RPL41: variants seen among roughly 807,000 people sequenced by gnomAD.
RPL41 encodes the protein ribosomal protein L41.
A neutral mutation model predicts 7.3 loss-of-function variants in RPL41; 3 were observed. The observed-to-expected ratio is 0.41, with a 90% CI of 0.19 to 1.06. The LOEUF (loss-of-function observed/expected upper bound fraction) is 1.06, where lower values mean the gene tolerates loss of function less well. Ranked by LOEUF, RPL41 falls within the 50% of genes least tolerant of loss-of-function variation. The pLI, the probability that RPL41 is intolerant of heterozygous loss-of-function variation, is 0.32. For synonymous variants in RPL41, 9 were observed against 7.4 expected (o/e 1.21, Z -0.34); for missense variants, 13 against 30.4 (o/e 0.43, Z 1.35).
At chr12:56,117,305 G>A in intron 2 of RPL41, 94 bp downstream of exon 2, 2 of 1,509,200 alleles carry the variant, frequency 1.3e-6, no homozygotes, top group South Asian at 2.5e-5. Context: ...AGATCTTTAG[G>A]AGAAAAACGT....
chr12:56,117,708 G>A lies in RPL41; in HGVS notation c.*184G>A, dbSNP rs943871031. On this transcript the variant is annotated 3_prime_UTR_variant, in exon 3 of 3. Coordinates refer to ENST00000546591, the MANE Select transcript of RPL41 (RefSeq NM_001035267.2). ...GACCCACCTTGCTCATAAACAAAAT[G>A]CCCATGTTGGTCCTCTGCCCTGGAC... is the stretch of plus-strand genomic sequence containing the variant. 258 of 612,540 alleles carry A rather than the reference G, an allele frequency of 4.2e-4. 2 individuals carry two copies. The highest frequency in any genetic ancestry group is 6.4e-4 in the South Asian group (35 of 54,586). 37.9% of individuals were successfully genotyped at this position (612,540 alleles called of 1,614,324 possible).
rs930876640 is a variant in RPL41 at position 56,117,174 on chromosome 12, G to C, written c.13-15G>C. ...TTTTTTTTTTAATTATCTGCTGCTT[G>C]TGATCGGTTGCTAGTGGAGGAAGAA... On this transcript the variant is annotated splice_polypyrimidine_tract_variant and intron_variant, in intron 1 of 2. Transcript: ENST00000546591. 3 of 1,460,096 alleles carry C rather than the reference G, an allele frequency of 2.1e-6. No homozygotes were observed. The Admixed American group carries it at 6.7e-5, about 33-fold the overall frequency. The allele number at this position is 1,460,096 out of a possible 1,614,324, so 90.4% of individuals were successfully genotyped here.
chr12:56,116,806 G>T lies in RPL41; in HGVS notation c.12+7G>T. ...CTGCGCCATGAGAGCCAAGGTGAGC[G>T]GTTCCTGGTAGTAAGCTTGGGAGGT... is the stretch of plus-strand genomic sequence containing the variant. On this transcript the variant is annotated splice_region_variant and intron_variant, in intron 1 of 2. Transcript: ENST00000546591. The T allele has an allele frequency of 1.2e-6, 2 of 1,614,012 alleles. No homozygotes were observed. Among genetic ancestry groups the T allele is most frequent in the South Asian group, 2.2e-5 (2 of 91,080 alleles).
intron 2 of RPL41, 132 bp from the exon 3 acceptor site, chr12:56,117,350 G>A (rs1869646729): frequency 2.8e-6 from 4 of 1,404,958 alleles, no homozygotes; most frequent in South Asian, 1.2e-5. Context: ...GGATTTAACA[G>A]AACAGAGAAC....
intron 1 of RPL41, 118 bp downstream of exon 1, chr12:56,116,917 G>A: frequency 3.7e-6 from 5 of 1,355,392 alleles, no homozygotes; most frequent in East Asian, 2.3e-5. Context: ...CCAAGAGCTG[G>A]TGGGAGAGAG....
In RPL41 at chr12:56,117,584, G is replaced by A; in HGVS notation, c.*60G>A. 4 of 1,269,872 alleles carry A rather than the reference G, an allele frequency of 3.1e-6. No homozygotes were observed. Among genetic ancestry groups the A allele is most frequent in the Non-Finnish European group, 4.5e-6 (4 of 892,418 alleles). The allele number at this position is 1,269,872 out of a possible 1,614,324, so 78.7% of individuals were successfully genotyped here. ...GCAGAAACATGGAATGCCAGACGCT[G>A]GGGATGCTGGTACAAGTTGTGGGAC... On this transcript the variant is annotated 3_prime_UTR_variant, in exon 3 of 3. Transcript: ENST00000546591.
intron 2 of RPL41, 53 bp from the exon 3 acceptor site, chr12:56,117,429 G>T: frequency 6.5e-7 from 1 of 1,540,074 alleles, no homozygotes. Flanking sequence ...TAATGTGGGA[G>T]GGAAAGGCAA....
chr12:56,116,676 T>C lies in RPL41; in HGVS notation c.-112T>C, dbSNP rs934783954. On this transcript the variant is annotated 5_prime_UTR_variant, in exon 1 of 3. Transcript: ENST00000546591. Reference sequence around the variant, plus strand: ...TTTTTTTGGGTGAGTGTTTTTTGGTTCCTGCGTTGGGATTCCGTGTACAAT... The same window carrying C: ...TTTTTTTGGGTGAGTGTTTTTTGGTCCCTGCGTTGGGATTCCGTGTACAAT... 1.0e-5 allele frequency: 14 copies of C among 1,340,752 alleles called. No individual in the cohort carries two copies. The highest frequency in any genetic ancestry group is 1.5e-5 in the Non-Finnish European group (14 of 933,306). The allele number at this position is 1,340,752 out of a possible 1,614,324, so 83.1% of individuals were successfully genotyped here.
intron 1 of RPL41, 193 bp downstream of exon 1, chr12:56,116,992 G>T: frequency 9.3e-7 from 1 of 1,074,832 alleles, no homozygotes; most frequent in Non-Finnish European, 1.4e-6. Flanking sequence ...TTAGAAAAGG[G>T]TGGAATTCTG....
At chr12:56,117,250 C>A in intron 2 of RPL41, 39 bp downstream of exon 2, 1 of 1,583,640 alleles carries the variant, frequency 6.3e-7, no homozygotes, top group South Asian at 1.2e-5. Context: ...GAGGGAAGTT[C>A]CTTGGACAAA....
rs1869604633 is a variant in RPL41 at position 56,116,651 on chromosome 12, TTTTTTTGGGTGAGTG to T, written c.-128_-114del. On this transcript the variant is annotated 5_prime_UTR_variant, in exon 1 of 3. Transcript: ENST00000546591. Reference sequence around the variant, plus strand: ...CGCCTTTCTCTCGGCCTTAGCGCCATTTTTTTGGGTGAGTGTTTTTTGGTTCCTGCGTTGGGATTC... The same window carrying T: ...CGCCTTTCTCTCGGCCTTAGCGCCATTTTTTTGGTTCCTGCGTTGGGATTC... 6 of 1,078,948 alleles carry T rather than the reference TTTTTTTGGGTGAGTG, an allele frequency of 5.6e-6. No homozygotes were observed. The Admixed American group carries it at 1.1e-4, about 19-fold the overall frequency. The allele number at this position is 1,078,948 out of a possible 1,614,324, so 66.8% of individuals were successfully genotyped here.
Position 56,116,705 on chromosome 12 carries a change from T to C in RPL41, c.-83T>C, listed in dbSNP as rs575310726. 97 of 1,519,700 alleles carry C rather than the reference T, an allele frequency of 6.4e-5. No individual in the cohort carries two copies. Among genetic ancestry groups the C allele is most frequent in the Non-Finnish European group, 8.2e-5 (90 of 1,094,030 alleles). The allele number at this position is 1,519,700 out of a possible 1,614,324, so 94.1% of individuals were successfully genotyped here. On this transcript the variant is annotated 5_prime_UTR_variant, in exon 1 of 3. Transcript: ENST00000546591. ...GCGTTGGGATTCCGTGTACAATCCA[T>C]AGACATCTGACCTCGGCACTTAGCA...
intron 1 of RPL41, 136 bp downstream of exon 1, chr12:56,116,935 T>A: frequency 1.6e-6 from 2 of 1,254,146 alleles, no homozygotes; most frequent in Non-Finnish European, 2.3e-6. Context: ...GAGAAGGTAG[T>A]TTGTGAGAGA....
chr12:56,116,864 G>T (rs2136849630), intron 1 of RPL41, 65 bp downstream of exon 1: 1 of 1,592,954 alleles, frequency 6.3e-7, no homozygotes, highest in East Asian at 2.2e-5. Flanking sequence ...GGAGACGAAG[G>T]CAAGTCCGCC....
rs548756682 is a variant in RPL41, at chr12:56,117,300, T to C, written c.35+89T>C. On this transcript the variant is annotated intron_variant, in intron 2 of 2. Transcript: ENST00000546591. ...TTTGGTTTGGAAATCTTAAAAGATC[T>C]TTAGGAGAAAAACGTTTGAGTGTTT... is the stretch of plus-strand genomic sequence containing the variant. 27 of 1,521,820 alleles carry C rather than the reference T, an allele frequency of 1.8e-5. No individual in the cohort carries two copies. In the African/African-American group the frequency reaches 3.6e-4, roughly 20 times the overall value. The allele number at this position is 1,521,820 out of a possible 1,614,324, so 94.3% of individuals were successfully genotyped here.
Position 56,116,810 on chromosome 12 carries a change from C to T in RPL41, c.12+11C>T. 6.2e-7 allele frequency: 1 copy of T among 1,613,980 alleles called. No homozygotes were observed. The highest frequency in any genetic ancestry group is 1.1e-5 in the South Asian group (1 of 91,076). ...GCCATGAGAGCCAAGGTGAGCGGTT[C>T]CTGGTAGTAAGCTTGGGAGGTAGGA... On this transcript the variant is annotated intron_variant, in intron 1 of 2. Coordinates refer to ENST00000546591, the MANE Select transcript of RPL41 (RefSeq NM_001035267.2).
intron 2 of RPL41, 80 bp from the exon 3 acceptor site, chr12:56,117,402 T>C: frequency 4.1e-6 from 6 of 1,471,130 alleles, no homozygotes; most frequent in African/African-American, 1.4e-5. Context: ...CCTCATTCTT[T>C]ATGTGGACGT....
rs1869611642 is a variant in RPL41, at chr12:56,116,720, G to A, written c.-68G>A. 1.9e-6 allele frequency: 3 copies of A among 1,580,356 alleles called. No individual in the cohort carries two copies. The highest frequency in any genetic ancestry group is 2.2e-5 in the South Asian group (2 of 90,310). ...GTACAATCCATAGACATCTGACCTC[G>A]GCACTTAGCATCATCACAGCAAACT... On this transcript the variant is annotated 5_prime_UTR_variant, in exon 1 of 3. Transcript: ENST00000546591.
chr12:56,117,619 C>A lies in RPL41; in HGVS notation c.*95C>A. On this transcript the variant is annotated 3_prime_UTR_variant, in exon 3 of 3. Coordinates refer to ENST00000546591, the MANE Select transcript of RPL41 (RefSeq NM_001035267.2). Reference sequence around the variant, plus strand: ...GTACAAGTTGTGGGACTGCATGCTACTGTCTAGAGCTTGTCTCAATGGATC... The same window carrying A: ...GTACAAGTTGTGGGACTGCATGCTAATGTCTAGAGCTTGTCTCAATGGATC... 1 of 911,334 alleles carries A rather than the reference C, an allele frequency of 1.1e-6. No individual in the cohort carries two copies. The highest frequency in any genetic ancestry group is 1.4e-5 in the South Asian group (1 of 70,766). The allele number at this position is 911,334 out of a possible 1,614,324, so 56.5% of individuals were successfully genotyped here.
Sources: allele counts gnomAD v4.1 joint callset, GRCh38; gene constraint gnomAD v4.1.1; transcripts MANE v1.5; gene names NCBI Gene and HGNC (gene_info 2026-07-23, HGNC 2026-07-21).